ATP10B: variants seen among roughly 807,000 people sequenced by gnomAD.
The protein encoded by ATP10B is phospholipid-transporting ATPase VB.
ATP10B carries 122 observed loss-of-function variants against 141.2 expected under a neutral mutation model. The observed-to-expected ratio is 0.86, with a 90% CI of 0.75 to 1.00. ATP10B has a LOEUF of 1.00. Among genes scored for constraint, ATP10B ranks in the 50% least tolerant of loss-of-function variants. The pLI is 0.00. For missense variants in ATP10B, 1,876 were observed against 1,825.3 expected (o/e 1.03, Z -0.51); for synonymous variants, 685 against 692.0 (o/e 0.99, Z 0.16).
upstream of ATP10B, among the ~76,000 whole-genome samples, chr5:160,853,216 G>A (rs1397933331): frequency 6.6e-6 from 1 of 152,168 alleles, no homozygotes; most frequent in Non-Finnish European, 1.5e-5. Flanking sequence ...GAGCGAGTTG[G>A]CATTTCAAAA....
At chr5:160,633,141 A>G (rs1393193972) in intron 12 of ATP10B, 2 of 152,252 alleles carry the variant, frequency 1.3e-5, no homozygotes, top group Non-Finnish European at 2.9e-5. Flanking sequence ...TAGTTCAACC[A>G]TTGTGGAAGA....
At chr5:160,651,142 C>A (rs1760703607) in intron 7 of ATP10B, among the ~76,000 whole-genome samples, 1 of 152,152 alleles carries the variant, frequency 6.6e-6, no homozygotes, top group South Asian at 2.1e-4. Flanking sequence ...CTTTAATTTG[C>A]CTTTCTTTAG....
At chr5:160,786,108 T>C (rs1265525707) in intron 1 of ATP10B, among the ~76,000 whole-genome samples, 1 of 152,190 alleles carries the variant, frequency 6.6e-6, no homozygotes, top group Non-Finnish European at 1.5e-5. Context: ...GTGCATTTCA[T>C]CTTTTTTGTC....
intron 6 of ATP10B, among the ~76,000 whole-genome samples, chr5:160,677,947 A>T (rs1020120862): frequency 2.0e-5 from 3 of 152,222 alleles, no homozygotes; most frequent in Admixed American, 1.3e-4. Context: ...TGATATTCTA[A>T]CATAGAGTCT....
intron 3 of ATP10B, among the ~76,000 whole-genome samples, chr5:160,693,623 C>T (rs1480722680): frequency 2.0e-5 from 3 of 152,156 alleles, no homozygotes; most frequent in Non-Finnish European, 4.4e-5. Context: ...GAGCAGAGGT[C>T]TTCAACCTTT....
chr5:160,789,093 G>A (rs1279481962), intron 1 of ATP10B, among the ~76,000 whole-genome samples: 1 of 152,098 alleles, frequency 6.6e-6, no homozygotes, highest in African/African-American at 2.4e-5. Context: ...ATACATGAGT[G>A]CACACACCTC....
At chr5:160,650,118 T>TTATATATATATATATATATATA (rs147437606) in intron 7 of ATP10B, among the ~76,000 whole-genome samples, 2 of 145,960 alleles carry the variant, frequency 1.4e-5, no homozygotes, top group African/African-American at 5.2e-5. Flanking sequence ...AAAAAAAATT[T>TTATATATATATATATATATATA]TATATATATA....
intron 13 of ATP10B, among the ~76,000 whole-genome samples, chr5:160,628,194 A>C (rs766869633): frequency 1.3e-5 from 2 of 152,246 alleles, no homozygotes; most frequent in Non-Finnish European, 2.9e-5. Flanking sequence ...AACGGGGCAT[A>C]AGCCCAAAGA....
chr5:160,828,438 CA>C (rs1387368490), intron 1 of ATP10B, among the ~76,000 whole-genome samples: 4 of 152,046 alleles, frequency 2.6e-5, no homozygotes, highest in Non-Finnish European at 5.9e-5. Flanking sequence ...TTGATGCAGC[CA>C]AAAGACACAT....
At chr5:160,703,453 G>A (rs1286218222) in intron 3 of ATP10B, among the ~76,000 whole-genome samples, 1 of 149,714 alleles carries the variant, frequency 6.7e-6, no homozygotes, top group African/African-American at 2.5e-5. Context: ...TCTTTTTGCT[G>A]TTGGAGAGTT....
At position 160,620,626 on chromosome 5, in the gene ATP10B, G is replaced by T. The variant is rs1758274930; in HGVS notation, c.2137C>A (p.Pro713Thr). The T allele has an allele frequency of 6.2e-7, 1 of 1,613,708 alleles. No homozygotes were observed. ...CTCTCAGCCTCGTAACAGAACTCAG[G>T]CCTGGCCAGGTCTGTGGCTGGGGCC... ...LEAPATDLAR[P>T]EFCYEAESPD... Residue 713 changes from proline to threonine, a missense_variant, in exon 15 of 26, where the codon CCT becomes ACT. Coordinates refer to ENST00000327245, the MANE Select transcript of ATP10B (RefSeq NM_025153.3).
intron 20 of ATP10B, 114 bp from the exon 21 acceptor site, chr5:160,602,816 C>T: frequency 6.9e-7 from 1 of 1,443,488 alleles, no homozygotes; most frequent in Middle Eastern, 2.1e-4. Flanking sequence ...GTCCTAAAGA[C>T]CCCTTGTTGT....
the ATP10B span, among the ~76,000 whole-genome samples, chr5:160,902,530 T>C: frequency 1.3e-5 from 2 of 152,102 alleles, no homozygotes; most frequent in African/African-American, 4.8e-5. Flanking sequence ...TACCAGGCAT[T>C]TGATGAAACA....
intron 12 of ATP10B, chr5:160,633,831 CA>C: frequency 3.9e-6 from 1 of 254,396 alleles, no homozygotes; most frequent in East Asian, 9.6e-5. Flanking sequence ...TCAGTCCATG[CA>C]AGGTAACAGT....
At chr5:160,598,432 A>T (rs1316820985) in intron 22 of ATP10B, among the ~76,000 whole-genome samples, 1 of 152,058 alleles carries the variant, frequency 6.6e-6, no homozygotes, top group South Asian at 2.1e-4. Context: ...GATATACCTA[A>T]TGCTAAATGA....
At chr5:160,708,711 G>A (rs1765167679) in intron 3 of ATP10B, among the ~76,000 whole-genome samples, 1 of 152,168 alleles carries the variant, frequency 6.6e-6, no homozygotes, top group African/African-American at 2.4e-5. Context: ...TAAAAGGCAA[G>A]TTTGAGTTAA....
At chr5:160,788,161 T>C (rs1441207432) in intron 1 of ATP10B, among the ~76,000 whole-genome samples, 1 of 152,134 alleles carries the variant, frequency 6.6e-6, no homozygotes, top group Non-Finnish European at 1.5e-5. Context: ...TTTCTGTGAG[T>C]AGAGGCTGGT....
chr5:160,769,084 A>T (rs4476766), intron 2 of ATP10B, among the ~76,000 whole-genome samples: 30,433 of 152,126 alleles, frequency 0.2, 3,655 homozygotes, highest in East Asian at 0.51. Flanking sequence ...ATACCATTTG[A>T]TGCACACTGA....
At chr5:160,832,213 G>T (rs1046205245) in intron 1 of ATP10B, among the ~76,000 whole-genome samples, 3 of 152,052 alleles carry the variant, frequency 2.0e-5, no homozygotes, top group Non-Finnish European at 2.9e-5. Context: ...TTTACCTTCA[G>T]GAAATCAGCC....
Sources: gnomAD v4.1 joint callset for allele counts (sites outside exome capture counted in the v4.1 genomes callset) on GRCh38, gnomAD v4.1.1 for gene constraint, MANE v1.5 for transcripts, NCBI Gene and HGNC (gene_info 2026-07-23, HGNC 2026-07-21) for gene names.